TECPR2: variants seen among roughly 807,000 people sequenced by gnomAD.
The protein encoded by TECPR2 is tectonin beta-propeller repeat-containing protein 2.
Under a neutral mutation model 138.1 loss-of-function variants are expected in TECPR2, and 65 were observed. The ratio of observed to expected loss-of-function variants is 0.47; its 90% CI spans 0.39 to 0.58. The LOEUF is 0.58. TECPR2 is among the 20% of genes least tolerant of loss of function. The pLI, the probability that TECPR2 is intolerant of heterozygous loss-of-function variation, is 0.00. For synonymous variants in TECPR2, 746 were observed against 749.8 expected (o/e 0.99, Z 0.08); for missense variants, 1,553 against 1,824.5 (o/e 0.85, Z 2.71).
intron 17 of TECPR2, among the ~76,000 whole-genome samples, chr14:102,478,751 C>A (rs568623301): frequency 6.6e-6 from 1 of 151,944 alleles, no homozygotes. Context: ...CATGGTGGCT[C>A]ACACCTGTAA....
At chr14:102,378,224 G>C (rs1351304996) in intron 2 of TECPR2, among the ~76,000 whole-genome samples, 1 of 152,152 alleles carries the variant, frequency 6.6e-6, no homozygotes, top group African/African-American at 2.4e-5. Context: ...TTGTATCTAA[G>C]AGAAATGTTT....
chr14:102,392,838 T>C lies in TECPR2; in HGVS notation c.220-14500T>C, dbSNP rs769522682. 4.6e-5 allele frequency among the ~76,000 whole-genome samples: 7 copies of C among 152,320 alleles called. No individual in the cohort carries two copies. In the Middle Eastern group the frequency reaches 0.01, roughly 222 times the overall value. On this transcript the variant is annotated intron_variant, in intron 2 of 19. Transcript: ENST00000359520. ...AAGCACTTCAGATTAACCGTCTGCA[T>C]AGAGCTTTGCTTGGAAAGAGAATAA... is the stretch of plus-strand genomic sequence containing the variant.
rs944701554 is a variant in TECPR2 at position 102,425,469 on chromosome 14, GA to G, written c.951+188del. On this transcript the variant is annotated intron_variant, in intron 6 of 19. Coordinates refer to ENST00000359520, the MANE Select transcript of TECPR2 (RefSeq NM_014844.5). ...AAGGTTTGGTAATTTTTATAGATTT[GA>G]AAAAAAAAATTTGGTTTTGACATTT... Among the ~76,000 whole-genome samples, 12 of 150,100 alleles carry G rather than the reference GA, an allele frequency of 8.0e-5. 1 individual carries two copies. Among genetic ancestry groups the G allele is most frequent in the South Asian group, 2.1e-4 (1 of 4,770 alleles).
chr14:102,499,363 A>G lies in TECPR2; in HGVS notation c.*1106A>G. On this transcript the variant is annotated 3_prime_UTR_variant, in exon 20 of 20. Coordinates refer to ENST00000359520, the MANE Select transcript of TECPR2 (RefSeq NM_014844.5). Reference sequence around the variant, plus strand: ...ATCTGCATAAAATACCTCATTTCAAATCAAATCTTACAAATTTAGAAGAGA... The same window carrying G: ...ATCTGCATAAAATACCTCATTTCAAGTCAAATCTTACAAATTTAGAAGAGA... 1 of 602,438 alleles carries G rather than the reference A, an allele frequency of 1.7e-6. No individual in the cohort carries two copies. Among genetic ancestry groups the G allele is most frequent in the South Asian group, 2.0e-5 (1 of 50,436 alleles). The allele number at this position is 602,438 out of a possible 1,614,324, so 37.3% of individuals were successfully genotyped here.
chr14:102,415,258 C>T lies in TECPR2; in HGVS notation c.638+465C>T, dbSNP rs1888993357. 6.6e-6 allele frequency among the ~76,000 whole-genome samples: 1 copy of T among 152,222 alleles called. No individual in the cohort carries two copies. The highest frequency in any genetic ancestry group is 2.1e-4 in the South Asian group (1 of 4,832). ...GAGCCCTCCGTTGTGGAAATGGAAA[C>T]ACAGATAGAACACTTGTTGACCACT... On this transcript the variant is annotated intron_variant, in intron 5 of 19. Transcript: ENST00000359520. The surrounding 1 kb of genome is among the most constrained non-coding windows in gnomAD (Gnocchi z 4.3).
At position 102,443,729 on chromosome 14, in the gene TECPR2, T is replaced by A; in HGVS notation, c.2835T>A (p.Asn945Lys). Reference sequence around the variant, plus strand: ...TGTCCCAGATCACAGCCCGGAACAATGTGGTGTGGGCGCTGACAGAGCAGA... The same window carrying A: ...TGTCCCAGATCACAGCCCGGAACAAAGTGGTGTGGGCGCTGACAGAGCAGA... ...YPLSQITARN[N>K]VVWALTEQRA... Residue 945 changes from asparagine (N) to lysine (K), a missense_variant, in exon 12 of 20, where the codon AAT (asparagine) becomes AAA (lysine). Physicochemically the swap from Asn to Lys is moderately conservative, Grantham distance 94 (BLOSUM62 0). Transcript: ENST00000359520. The surrounding 1 kb of genome is among the most constrained non-coding windows in gnomAD (Gnocchi z 4.9). 6.2e-7 allele frequency: 1 copy of A among 1,613,044 alleles called. No individual in the cohort carries two copies. The highest frequency in any genetic ancestry group is 8.5e-7 in the Non-Finnish European group (1 of 1,179,292).
intron 1 of TECPR2, among the ~76,000 whole-genome samples, chr14:102,375,952 C>T (rs1887629447): frequency 6.6e-6 from 1 of 152,130 alleles, no homozygotes; most frequent in African/African-American, 2.4e-5. Flanking sequence ...TGAAAGATGG[C>T]GTGCATGGAA....
At chr14:102,384,333 T>C (rs1313330031) in intron 2 of TECPR2, among the ~76,000 whole-genome samples, 2 of 152,086 alleles carry the variant, frequency 1.3e-5, no homozygotes, top group Non-Finnish European at 2.9e-5. Flanking sequence ...GGGGACCTCA[T>C]GCTGCTTCCA....
intron 1 of TECPR2, among the ~76,000 whole-genome samples, chr14:102,366,566 C>T (rs184079510): frequency 2.0e-5 from 3 of 152,084 alleles, no homozygotes; most frequent in Non-Finnish European, 2.9e-5. Flanking sequence ...AGACTGGTCT[C>T]GAACTCCTGG....
Position 102,440,470 on chromosome 14 carries a change from C to A in TECPR2, c.2613C>A (p.Asn871Lys). The change falls in exon 11 of 20, where the codon AAC becomes AAA. Residue 871 changes from asparagine (N) to lysine (K), a missense_variant. Coordinates refer to ENST00000359520, the MANE Select transcript of TECPR2 (RefSeq NM_014844.5). ...TCTGGAAGATTGAACAGAAATCTAACCGGGCTTTTGCTTGTGGGAAAGTCA... is the reference window on the plus strand; with the variant it reads ...TCTGGAAGATTGAACAGAAATCTAAACGGGCTTTTGCTTGTGGGAAAGTCA... Reference protein sequence around the residue: ...ALLWKIEQKSNRAFACGKVTI... With the variant: ...ALLWKIEQKSKRAFACGKVTI... 3 of 1,614,168 alleles carry A rather than the reference C, an allele frequency of 1.9e-6. No individual in the cohort carries two copies. Among genetic ancestry groups the A allele is most frequent in the South Asian group, 2.2e-5 (2 of 91,080 alleles).
rs192440218 is a variant in TECPR2 at position 102,492,468 on chromosome 14, G to A, written c.3790-4511G>A. ...CTGTCATGCTGTGCACTTAGGATTT[G>A]TGTAGTTTTCAAATGTATATTTTCC... is the stretch of plus-strand genomic sequence containing the variant. On this transcript the variant is annotated intron_variant, in intron 17 of 19. Transcript: ENST00000359520. 7.4e-4 allele frequency among the ~76,000 whole-genome samples: 113 copies of A among 152,364 alleles called. 2 individuals carry two copies. The highest frequency in any genetic ancestry group is 2.6e-3 in the African/African-American group (110 of 41,578).
intron 7 of TECPR2, among the ~76,000 whole-genome samples, chr14:102,431,245 A>G (rs1889463181): frequency 6.6e-6 from 1 of 151,468 alleles, no homozygotes; most frequent in Non-Finnish European, 1.5e-5. Context: ...AAAGAAAGCT[A>G]TGGCAAATTA....
chr14:102,482,200 G>T (rs964505030), intron 17 of TECPR2, among the ~76,000 whole-genome samples: 2 of 152,000 alleles, frequency 1.3e-5, no homozygotes, highest in Non-Finnish European at 1.5e-5. Context: ...CTTAACAGGC[G>T]TGTGCCACCA....
Position 102,465,175 on chromosome 14 carries a change from TCAG to T in TECPR2, c.3678_3680del (p.Gln1226del). ...AATTGACAAGCTTGGCATGTGGAAATCAGCACATCTGGGCCTGTGATTCCAGGG... is the reference window on the plus strand; with the variant it reads ...AATTGACAAGCTTGGCATGTGGAAATCACATCTGGGCCTGTGATTCCAGGG... On this transcript the variant is annotated inframe_deletion, in exon 17 of 20. Coordinates refer to ENST00000359520, the MANE Select transcript of TECPR2 (RefSeq NM_014844.5). The T allele has an allele frequency of 6.2e-7, 1 of 1,614,220 alleles. No homozygotes were observed. The highest frequency in any genetic ancestry group is 8.5e-7 in the Non-Finnish European group (1 of 1,180,040).
chr14:102,437,519 A>G (rs2139735567), intron 9 of TECPR2, among the ~76,000 whole-genome samples: 1 of 151,948 alleles, frequency 6.6e-6, no homozygotes, highest in South Asian at 2.1e-4. Context: ...GTGCCCCTGT[A>G]CTCCAGCCTG....
In TECPR2 at chr14:102,417,998, A is replaced by G. The variant is rs183312885; in HGVS notation, c.638+3205A>G. On this transcript the variant is annotated intron_variant, in intron 5 of 19. Coordinates refer to ENST00000359520, the MANE Select transcript of TECPR2 (RefSeq NM_014844.5). ...GAGTCCAGGGAAACCATTGACTGAG[A>G]TGGAGACTGGAGACTGGGGAAGGCT... Among the ~76,000 whole-genome samples the G allele has an allele frequency of 2.2e-3, 333 of 152,186 alleles. 3 individuals carry two copies. Among genetic ancestry groups the G allele is most frequent in the African/African-American group, 7.6e-3 (316 of 41,540 alleles).
chr14:102,414,823 T>A (rs1349041007), intron 5 of TECPR2, 30 bp downstream of exon 5: 1 of 1,612,340 alleles, frequency 6.2e-7, no homozygotes, highest in South Asian at 1.1e-5. Context: ...CAGTTTGGCC[T>A]AAATGCTGGG....
intron 2 of TECPR2, among the ~76,000 whole-genome samples, chr14:102,399,928 G>C (rs1888429049): frequency 6.6e-6 from 1 of 151,780 alleles, no homozygotes; most frequent in African/African-American, 2.4e-5. Context: ...TGTAACAATG[G>C]TTTATAATTG....
intron 6 of TECPR2, among the ~76,000 whole-genome samples, chr14:102,425,678 C>T (rs181330429): frequency 4.5e-4 from 69 of 151,754 alleles, no homozygotes; most frequent in Non-Finnish European, 8.5e-4. Context: ...CAGGTTCAAG[C>T]GATTCTCCTG....
Sources: gnomAD v4.1 joint callset for allele counts (sites outside exome capture counted in the v4.1 genomes callset) on GRCh38, gnomAD v4.1.1 for gene constraint, Gnocchi (gnomAD v3.1) non-coding constraint, MANE v1.5 for transcripts, NCBI Gene and HGNC (gene_info 2026-07-23, HGNC 2026-07-21) for gene names.